Variants in DROSHA observed in about 807,000 individuals in gnomAD.
DROSHA encodes the protein ribonuclease 3.
Under a neutral mutation model 181.9 loss-of-function variants are expected in DROSHA, and 56 were observed. That is an observed-to-expected ratio of 0.31 (90% CI 0.25 to 0.38). The LOEUF (loss-of-function observed/expected upper bound fraction) is 0.38, where lower values mean the gene tolerates loss of function less well. Among genes scored for constraint, DROSHA ranks in the 10% least tolerant of loss-of-function variants. DROSHA has a pLI of 1.00. For synonymous variants in DROSHA, 524 were observed against 591.2 expected (o/e 0.89, Z 1.65); for missense variants, 1,218 against 1,743.5 (o/e 0.70, Z 5.37).
chr5:31,484,829 C>A, intron 15 of DROSHA, 52 bp downstream of exon 15: 1 of 1,295,036 alleles, frequency 7.7e-7, no homozygotes, highest in South Asian at 1.4e-5. Context: ...TTCACATATA[C>A]CATAATGTTC....
chr5:31,419,568 T>C (rs1312526249), intron 30 of DROSHA, among the ~76,000 whole-genome samples: 1 of 25,562 alleles, frequency 3.9e-5, no homozygotes. Flanking sequence ...ATGCTGGGGG[T>C]GGGGGAGTGG....
At chr5:31,446,380 G>C (rs1163750815) in intron 23 of DROSHA, among the ~76,000 whole-genome samples, 4 of 144,748 alleles carry the variant, frequency 2.8e-5, no homozygotes, top group African/African-American at 5.1e-5. Context: ...CCGGGAGGTA[G>C]AGTTTGCAGT....
intron 23 of DROSHA, 80 bp from the exon 24 acceptor site, chr5:31,437,378 C>T (rs1744995652): frequency 2.6e-6 from 3 of 1,136,120 alleles, no homozygotes; most frequent in Non-Finnish European, 3.5e-6. Context: ...AAGAAAAGAA[C>T]ACATGAGGGT....
At chr5:31,501,911 A>G (rs1753615956) in intron 11 of DROSHA, among the ~76,000 whole-genome samples, 1 of 152,234 alleles carries the variant, frequency 6.6e-6, no homozygotes, top group East Asian at 1.9e-4. Flanking sequence ...TGATCAGGCT[A>G]GAGACCTTGG....
In DROSHA at chr5:31,435,795, A is replaced by T. The variant is rs909060563; in HGVS notation, c.3012T>A (p.Val1004=). Residue 1004 remains valine (V), a synonymous_variant, in exon 25 of 36, where the codon GTT becomes GTA. Transcript: ENST00000344624. ...GGLATYRTAI[V]QNQHLAMLAK... Reference sequence around the variant, plus strand: ...CTAGCATGGCAAGGTGCTGATTCTGAACAATGGCAGTCCGATAGGTTGCTA... The same window carrying T: ...CTAGCATGGCAAGGTGCTGATTCTGTACAATGGCAGTCCGATAGGTTGCTA... The T allele has an allele frequency of 4.3e-6, 7 of 1,613,836 alleles. No individual in the cohort carries two copies. In the African/African-American group the frequency reaches 9.3e-5, roughly 22 times the overall value.
intron 12 of DROSHA, 151 bp downstream of exon 12, chr5:31,495,135 C>T (rs921859424): frequency 4.6e-5 from 37 of 800,000 alleles, no homozygotes; most frequent in African/African-American, 7.0e-5. Context: ...CTGAAAGAAA[C>T]GTCATCGTGA....
At chr5:31,427,576 C>G (rs1743638912) in intron 27 of DROSHA, among the ~76,000 whole-genome samples, 1 of 152,162 alleles carries the variant, frequency 6.6e-6, no homozygotes, top group Non-Finnish European at 1.5e-5. Flanking sequence ...AATCGCCAAG[C>G]TGCCCTTGCC....
intron 13 of DROSHA, among the ~76,000 whole-genome samples, chr5:31,489,622 T>C (rs571676827): frequency 2.0e-4 from 31 of 152,166 alleles, no homozygotes; most frequent in Non-Finnish European, 3.5e-4. Flanking sequence ...CATGTTTGAA[T>C]ACTTAAAAGA....
Position 31,484,867 on chromosome 5 carries a change from A to T in DROSHA, c.1996+14T>A, listed in dbSNP as rs1477320985. The T allele has an allele frequency of 3.3e-6, 5 of 1,505,184 alleles. No homozygotes were observed. Among genetic ancestry groups the T allele is most frequent in the Non-Finnish European group, 4.5e-6 (5 of 1,111,468 alleles). The allele number at this position is 1,505,184 out of a possible 1,614,324, so 93.2% of individuals were successfully genotyped here. On this transcript the variant is annotated intron_variant, in intron 15 of 35. Coordinates refer to ENST00000344624, the MANE Select transcript of DROSHA (RefSeq NM_001382508.1). ...CCATAAACACTACTCTCTTCTTTAA[A>T]TCCTATTACTTACCTTTAAGATTCC... is the stretch of plus-strand genomic sequence containing the variant.
intron 17 of DROSHA, among the ~76,000 whole-genome samples, chr5:31,471,203 T>A (rs1749681493): frequency 6.6e-6 from 1 of 152,222 alleles, no homozygotes; most frequent in Non-Finnish European, 1.5e-5. Context: ...AAAAAGTAGA[T>A]CCAGAGTTTT....
At chr5:31,528,127 C>G (rs548153071) in intron 4 of DROSHA, among the ~76,000 whole-genome samples, 1 of 152,094 alleles carries the variant, frequency 6.6e-6, no homozygotes, top group Non-Finnish European at 1.5e-5. Flanking sequence ...GGCCTTTAAC[C>G]GTCTGGTATT....
At position 31,514,620 on chromosome 5, in the gene DROSHA, G is replaced by A. The variant is rs1012658136; in HGVS notation, c.1290+368C>T. ...CGATGGTGCCACTGCACTCCAGCCT[G>A]GGTGACAGAGCGAGACCCTGTCTCA... is the stretch of plus-strand genomic sequence containing the variant. On this transcript the variant is annotated intron_variant, in intron 8 of 35. Coordinates refer to ENST00000344624, the MANE Select transcript of DROSHA (RefSeq NM_001382508.1). The surrounding 1 kb of genome is among the most constrained non-coding windows in gnomAD (Gnocchi z 4.4). Among the ~76,000 whole-genome samples the A allele has an allele frequency of 1.3e-5, 2 of 152,140 alleles. No homozygotes were observed. Among genetic ancestry groups the A allele is most frequent in the Non-Finnish European group, 2.9e-5 (2 of 68,032 alleles).
intron 30 of DROSHA, among the ~76,000 whole-genome samples, chr5:31,418,877 G>A (rs1742293256): frequency 6.6e-6 from 1 of 152,130 alleles, no homozygotes; most frequent in African/African-American, 2.4e-5. Flanking sequence ...TCTTACACAT[G>A]TTGAGATGTT....
chr5:31,436,576 A>T (rs1744814689), intron 24 of DROSHA, among the ~76,000 whole-genome samples: 1 of 152,110 alleles, frequency 6.6e-6, no homozygotes, highest in South Asian at 2.1e-4. Flanking sequence ...AATTTTTAGT[A>T]GAGATGTGGT....
In DROSHA at chr5:31,424,340, A is replaced by G. The variant is rs1194087753; in HGVS notation, c.3261+87T>C. 8.7e-6 allele frequency: 13 copies of G among 1,488,714 alleles called. No individual in the cohort carries two copies. In the Admixed American group the frequency reaches 2.2e-4, roughly 26 times the overall value. The allele number at this position is 1,488,714 out of a possible 1,614,324, so 92.2% of individuals were successfully genotyped here. A position where few individuals can be genotyped will look rare whatever the true frequency, so the allele number is the denominator to read the frequency against. ...TGCCACCGAAGAGAATCAAAAGATAAAAGTGGGGAAGGAAAAAAAGGCAAA... is the reference window on the plus strand; with the variant it reads ...TGCCACCGAAGAGAATCAAAAGATAGAAGTGGGGAAGGAAAAAAAGGCAAA... On this transcript the variant is annotated intron_variant, in intron 28 of 35. Coordinates refer to ENST00000344624, the MANE Select transcript of DROSHA (RefSeq NM_001382508.1).
At chr5:31,463,924 C>T (rs1748723358) in intron 20 of DROSHA, among the ~76,000 whole-genome samples, 1 of 152,114 alleles carries the variant, frequency 6.6e-6, no homozygotes, top group African/African-American at 2.4e-5. Flanking sequence ...GTGCTGCAAA[C>T]AGGCAGATGC....
Position 31,429,456 on chromosome 5 carries a change from A to T in DROSHA, c.3216+19T>A. On this transcript the variant is annotated intron_variant, in intron 27 of 35. Transcript: ENST00000344624. ...TAATAATATATAACAAAAAAAATCAAATGATTCCATAGAAATACCGGATCA... is the reference window on the plus strand; with the variant it reads ...TAATAATATATAACAAAAAAAATCATATGATTCCATAGAAATACCGGATCA... 6.3e-7 allele frequency: 1 copy of T among 1,598,264 alleles called. No individual in the cohort carries two copies. The highest frequency in any genetic ancestry group is 8.5e-7 in the Non-Finnish European group (1 of 1,173,792).
In DROSHA at chr5:31,472,085, A is replaced by T. The variant is rs746436688; in HGVS notation, c.2219T>A (p.Met740Lys). The change falls in exon 17 of 36, where the codon ATG (methionine) becomes AAG (lysine). Residue 740 changes from methionine (M) to lysine (K), a missense_variant. Met to Lys is a moderately conservative substitution (Grantham distance 95). Coordinates refer to ENST00000344624, the MANE Select transcript of DROSHA (RefSeq NM_001382508.1). ...TACCGTCCCAGGGTTGGTAACAATC[A>T]TGCCTTTGCATTCTTCTGCATATTT... ...WQKYAEECKG[M>K]IVTNPGTKPS... 1 of 1,613,834 alleles carries T rather than the reference A, an allele frequency of 6.2e-7. No homozygotes were observed.
At chr5:31,453,376 T>A (rs1321635857) in intron 20 of DROSHA, among the ~76,000 whole-genome samples, 1 of 152,046 alleles carries the variant, frequency 6.6e-6, no homozygotes, top group Non-Finnish European at 1.5e-5. Flanking sequence ...AATATCTGTG[T>A]TTTTTTGTAA....
Sources: gnomAD v4.1 joint callset for allele counts (sites outside exome capture counted in the v4.1 genomes callset) on GRCh38, gnomAD v4.1.1 for gene constraint, Gnocchi (gnomAD v3.1) non-coding constraint, MANE v1.5 for transcripts, NCBI Gene and HGNC (gene_info 2026-07-23, HGNC 2026-07-21) for gene names.